Variants in THRB observed in about 807,000 individuals in gnomAD.
The protein encoded by THRB is thyroid hormone receptor beta.
Under a neutral mutation model 47.8 loss-of-function variants are expected in THRB, and 12 were observed. The observed-to-expected ratio is 0.25, with a 90% CI of 0.16 to 0.41. The LOEUF is 0.41. Among genes scored for constraint, THRB ranks in the 10% least tolerant of loss-of-function variants. The pLI is 1.00. For synonymous variants in THRB, 218 were observed against 212.2 expected, an observed-to-expected ratio of 1.03 and a Z score of -0.24; for missense variants, 348 against 589.2, an observed-to-expected ratio of 0.59 and a Z score of 4.24.
chr3:24,482,270 A>C (rs768823695), intron 1 of THRB, among the ~76,000 whole-genome samples: 1 of 152,202 alleles, frequency 6.6e-6, no homozygotes, highest in Non-Finnish European at 1.5e-5. Flanking sequence ...GTCCTGGCTA[A>C]GCAGTTTATA....
At chr3:24,145,795 A>T (rs962031131) in intron 7 of THRB, among the ~76,000 whole-genome samples, 26 of 151,824 alleles carry the variant, frequency 1.7e-4, no homozygotes, top group African/African-American at 6.0e-4. Context: ...TCCTCACTGT[A>T]TTTTCTTTTT....
chr3:24,416,282 TC>T (rs1472069480), intron 1 of THRB, among the ~76,000 whole-genome samples: 1 of 151,798 alleles, frequency 6.6e-6, no homozygotes, highest in Non-Finnish European at 1.5e-5. Flanking sequence ...GTATCCGCTA[TC>T]AGGAAGGCAC....
intron 5 of THRB, among the ~76,000 whole-genome samples, chr3:24,186,852 G>A (rs1004680299): frequency 6.7e-6 from 1 of 149,102 alleles, no homozygotes; most frequent in African/African-American, 2.5e-5. Context: ...GGCTGAGGCA[G>A]GAGAATTGCT....
At chr3:24,133,560 T>C in intron 8 of THRB, 98 bp from the exon 9 acceptor site, 1 of 1,084,790 alleles carries the variant, frequency 9.2e-7, no homozygotes, top group Admixed American at 1.9e-5. Context: ...TGAACTGATA[T>C]CCTGTACAGT....
intron 1 of THRB, among the ~76,000 whole-genome samples, chr3:24,387,254 A>C (rs2149919478): frequency 6.6e-6 from 1 of 152,190 alleles, no homozygotes; most frequent in Admixed American, 6.5e-5. Flanking sequence ...GCCATCATTC[A>C]TTCATGTCTT....
chr3:24,223,825 A>C (rs2047386635), intron 4 of THRB, among the ~76,000 whole-genome samples: 1 of 152,148 alleles, frequency 6.6e-6, no homozygotes, highest in African/African-American at 2.4e-5. Context: ...CAAATACCAC[A>C]ATAGAAAAGT....
chr3:24,245,013 A>G (rs973340809), intron 3 of THRB, among the ~76,000 whole-genome samples: 1 of 152,202 alleles, frequency 6.6e-6, no homozygotes, highest in Non-Finnish European at 1.5e-5. Flanking sequence ...CTGTTTGAAC[A>G]AAGGTCAGGG....
intron 1 of THRB, among the ~76,000 whole-genome samples, chr3:24,479,092 A>T (rs1482266588): frequency 1.3e-5 from 2 of 152,124 alleles, no homozygotes; most frequent in Non-Finnish European, 2.9e-5. Context: ...AGGTCAGGAG[A>T]TCGAGACCAT....
upstream of THRB, chr3:24,495,621 T>C (rs891884153): frequency 2.0e-5 from 3 of 152,180 alleles, no homozygotes; most frequent in Admixed American, 6.5e-5. Flanking sequence ...ATTACTCTAG[T>C]TGGAGAAGAG....
chr3:24,416,311 A>G (rs2068728604), intron 1 of THRB, among the ~76,000 whole-genome samples: 1 of 151,812 alleles, frequency 6.6e-6, no homozygotes, highest in South Asian at 2.1e-4. Context: ...AGAATACAGT[A>G]GCCAGTAGAA....
intron 2 of THRB, among the ~76,000 whole-genome samples, chr3:24,327,260 C>A (rs1015347973): frequency 2.0e-5 from 3 of 151,800 alleles, no homozygotes; most frequent in East Asian, 1.9e-4. Flanking sequence ...CTCAGGGACC[C>A]CCCCCACCGC....
intron 5 of THRB, among the ~76,000 whole-genome samples, chr3:24,179,125 T>C (rs1045102543): frequency 1.2e-4 from 19 of 152,140 alleles, no homozygotes; most frequent in Non-Finnish European, 2.1e-4. Flanking sequence ...CCCAGCCCTA[T>C]CTAGAGGAAT....
In THRB at chr3:24,217,827, A is replaced by G. The variant is rs535874338; in HGVS notation, c.22+11111T>C. Among the ~76,000 whole-genome samples the G allele has an allele frequency of 1.4e-4, 22 of 152,320 alleles. No homozygotes were observed. The South Asian group carries it at 4.3e-3, about 30-fold the overall frequency. On this transcript the variant is annotated intron_variant, in intron 4 of 10. Coordinates refer to ENST00000646209, the MANE Select transcript of THRB (RefSeq NM_001354712.2). ...CTGATGCCTGTTAAAAAATTAAGCAACAATAATAATCATAGCAACAAATGT... is the reference window on the plus strand; with the variant it reads ...CTGATGCCTGTTAAAAAATTAAGCAGCAATAATAATCATAGCAACAAATGT...
intron 3 of THRB, among the ~76,000 whole-genome samples, chr3:24,254,842 T>C (rs2051086040): frequency 6.6e-6 from 1 of 152,246 alleles, no homozygotes; most frequent in Admixed American, 6.5e-5. Context: ...GTTTCTGTGG[T>C]CAGTTAGTGA....
intron 1 of THRB, among the ~76,000 whole-genome samples, chr3:24,399,825 C>G (rs1404218419): frequency 6.6e-6 from 1 of 152,080 alleles, no homozygotes; most frequent in Non-Finnish European, 1.5e-5. Context: ...TCTACACTGA[C>G]ATTCTTTTCC....
At chr3:24,248,293 G>C (rs1391941400) in intron 3 of THRB, among the ~76,000 whole-genome samples, 2 of 152,040 alleles carry the variant, frequency 1.3e-5, no homozygotes, top group Non-Finnish European at 2.9e-5. Flanking sequence ...GATGCTGCTG[G>C]AGACATTTCT....
chr3:24,292,794 T>C (rs960860035), intron 3 of THRB, among the ~76,000 whole-genome samples: 1 of 152,210 alleles, frequency 6.6e-6, no homozygotes, highest in African/African-American at 2.4e-5. Flanking sequence ...GGATTTTAGC[T>C]GCATGTTTGG....
chr3:24,449,035 G>A (rs2072382031), intron 1 of THRB, among the ~76,000 whole-genome samples: 1 of 152,206 alleles, frequency 6.6e-6, no homozygotes, highest in Non-Finnish European at 1.5e-5. Flanking sequence ...TGAAGGCAAA[G>A]GCAGAATTCT....
In THRB at chr3:24,247,611, C is replaced by T. The variant is rs190262939; in HGVS notation, c.-42-18610G>A. ...TACATGCATTTATATTGCCTTTTTA[C>T]ACTGTATTTTTTCATTTGATGCTTA... On this transcript the variant is annotated intron_variant, in intron 3 of 10. Coordinates refer to ENST00000646209, the MANE Select transcript of THRB (RefSeq NM_001354712.2). Among the ~76,000 whole-genome samples, 487 of 152,260 alleles carry T rather than the reference C, an allele frequency of 3.2e-3. 3 individuals carry two copies. Among genetic ancestry groups the T allele is most frequent in the Non-Finnish European group, 5.8e-3 (394 of 68,010 alleles).
Sources: gnomAD v4.1 joint callset for allele counts (sites outside exome capture counted in the v4.1 genomes callset) on GRCh38, gnomAD v4.1.1 for gene constraint, MANE v1.5 for transcripts, NCBI Gene and HGNC (gene_info 2026-07-23, HGNC 2026-07-21) for gene names.